COL28A1: variants seen among roughly 807,000 people sequenced by gnomAD.
The protein encoded by COL28A1 is collagen alpha-1(XXVIII) chain.
COL28A1 carries 161 observed loss-of-function variants against 150.2 expected under a neutral mutation model. The ratio of observed to expected loss-of-function variants is 1.07; its 90% CI spans 0.94 to 1.22. The LOEUF (loss-of-function observed/expected upper bound fraction) is 1.22, where lower values mean the gene tolerates loss of function less well. COL28A1 is among the 50% of genes most tolerant of loss of function. COL28A1 has a pLI of 0.00. For synonymous variants in COL28A1, 552 were observed against 469.7 expected (o/e 1.18, Z -2.26); for missense variants, 1,617 against 1,388.3 (o/e 1.16, Z -2.62).
chr7:7,502,469 T>C, intron 11 of COL28A1, among the ~76,000 whole-genome samples: 1 of 152,112 alleles, frequency 6.6e-6, no homozygotes, highest in East Asian at 1.9e-4. Flanking sequence ...AACCCTTTAA[T>C]GAAGAAAAGC....
At chr7:7,536,585 A>G (rs1266562340), upstream of COL28A1, among the ~76,000 whole-genome samples, 10 of 152,064 alleles carry the variant, frequency 6.6e-5, no homozygotes, top group Non-Finnish European at 7.4e-5. Flanking sequence ...TATTAAGTCA[A>G]TGTTTATCAT....
At chr7:7,529,746 G>C (rs953319324) in intron 3 of COL28A1, among the ~76,000 whole-genome samples, 1 of 152,214 alleles carries the variant, frequency 6.6e-6, no homozygotes, top group African/African-American at 2.4e-5. Context: ...AGATGAATAA[G>C]TAACAACAGC....
intron 15 of COL28A1, among the ~76,000 whole-genome samples, chr7:7,457,287 T>C (rs1787245678): frequency 6.6e-6 from 1 of 152,028 alleles, no homozygotes. Flanking sequence ...GCATGAGAGA[T>C]GATGGGGCAC....
chr7:7,503,289 G>T (rs919305762), intron 11 of COL28A1, among the ~76,000 whole-genome samples: 1 of 152,102 alleles, frequency 6.6e-6, no homozygotes, highest in African/African-American at 2.4e-5. Flanking sequence ...AGACTAATCT[G>T]TACAATGGAA....
chr7:7,450,035 A>T (rs1786562434), intron 18 of COL28A1, among the ~76,000 whole-genome samples: 1 of 152,102 alleles, frequency 6.6e-6, no homozygotes. Context: ...TTATAAACCT[A>T]TTATAATCAA....
At chr7:7,440,679 C>T in intron 21 of COL28A1, 111 bp downstream of exon 21, 2 of 559,822 alleles carry the variant, frequency 3.6e-6, no homozygotes, top group African/African-American at 1.9e-5. Context: ...TTGTTTTGTA[C>T]TTGTTGGGAA....
the COL28A1 span, among the ~76,000 whole-genome samples, chr7:7,347,406 A>G: frequency 6.6e-6 from 1 of 152,086 alleles, no homozygotes; most frequent in Non-Finnish European, 1.5e-5. Context: ...TTTTATTGCT[A>G]TATTTCTAAA....
chr7:7,482,215 T>A (rs969632243), intron 13 of COL28A1, among the ~76,000 whole-genome samples: 1 of 152,108 alleles, frequency 6.6e-6, no homozygotes, highest in African/African-American at 2.4e-5. Flanking sequence ...TTACCTTACT[T>A]CTAAATAATT....
intron 11 of COL28A1, among the ~76,000 whole-genome samples, chr7:7,505,601 G>C (rs1403099261): frequency 6.6e-6 from 1 of 152,124 alleles, no homozygotes. Flanking sequence ...CTTGATTTCT[G>C]TTGGTATAAC....
intron 18 of COL28A1, among the ~76,000 whole-genome samples, chr7:7,447,117 ATTAACC>A (rs1192258019): frequency 6.6e-6 from 1 of 152,218 alleles, no homozygotes; most frequent in African/African-American, 2.4e-5. Flanking sequence ...GTGGGAAAAA[ATTAACC>A]CTAGACTAAA....
intron 3 of COL28A1, 67 bp downstream of exon 3, chr7:7,531,281 A>T (rs1396347973): frequency 1.5e-6 from 1 of 673,290 alleles, no homozygotes; most frequent in African/African-American, 1.8e-5. Flanking sequence ...ATCTCTTCTT[A>T]TGGGATTTAC....
rs1781325625 is a variant in COL28A1 at position 7,373,137 on chromosome 7, A to G, written c.2769T>C (p.Ser923=). The stretch of plus-strand genomic sequence containing the variant: ...TCACAAATATCTCCACATTGGTGTC[A>G]CTGGCATTCTTCACCACCTCTGTCA... The part of the protein sequence containing the change: ...EKLTEVVKNA[S]DTNVEIFVIG... Residue 923 remains serine, a synonymous_variant, in exon 32 of 35, where the codon AGT becomes AGC. Transcript: ENST00000399429. This position sits in a 1 kb window ranked among gnomAD's most constrained non-coding sequence, Gnocchi z 4.1. 1.2e-6 allele frequency: 2 copies of G among 1,614,100 alleles called. No homozygotes were observed. Among genetic ancestry groups the G allele is most frequent in the Non-Finnish European group, 1.7e-6 (2 of 1,180,038 alleles).
At chr7:7,441,735 ATGCTGATGC>A (rs1444870884) in intron 20 of COL28A1, among the ~76,000 whole-genome samples, 2 of 152,122 alleles carry the variant, frequency 1.3e-5, no homozygotes, top group South Asian at 4.1e-4. Flanking sequence ...TTCCCAGGTG[ATGCTGATGC>A]TGCTGGTTCA....
At chr7:7,466,695 G>A (rs1394208688) in intron 15 of COL28A1, among the ~76,000 whole-genome samples, 1 of 13,478 alleles carries the variant, frequency 7.4e-5, no homozygotes, top group Non-Finnish European at 1.2e-4. Context: ...AATGTTAAGG[G>A]CAGCCAGAGA....
In COL28A1 at chr7:7,453,426, AT is replaced by A; in HGVS notation, c.1440+13del. On this transcript the variant is annotated intron_variant, in intron 17 of 34. Coordinates refer to ENST00000399429, the MANE Select transcript of COL28A1 (RefSeq NM_001037763.3). Reference sequence around the variant, plus strand: ...TATAGATATATTAAACTCCGCTCTCATTTACAAAGTTACCTTGGAACCAGGT... The same window carrying A: ...TATAGATATATTAAACTCCGCTCTCATTACAAAGTTACCTTGGAACCAGGT... The A allele has an allele frequency of 9.2e-7, 1 of 1,081,776 alleles. No homozygotes were observed. The highest frequency in any genetic ancestry group is 1.2e-5 in the South Asian group (1 of 80,602). 67.0% of individuals were successfully genotyped at this position (1,081,776 alleles called of 1,614,324 possible).
rs537305251 is a variant in COL28A1 at position 7,508,788 on chromosome 7, C to T, written c.928-1627G>A. On this transcript the variant is annotated intron_variant, in intron 9 of 34. Transcript: ENST00000399429. ...TCAAGCAATCCTCCCACCTCAGCCT[C>T]CCTAGTTGCCCACACTGGTGATATA... 1.3e-5 allele frequency among the ~76,000 whole-genome samples: 2 copies of T among 152,116 alleles called. 1 individual carries two copies. Among genetic ancestry groups the T allele is most frequent in the South Asian group, 4.2e-4 (2 of 4,812 alleles).
chr7:7,453,606 A>G (rs1430739069), intron 16 of COL28A1, 98 bp from the exon 17 acceptor site: 3 of 707,566 alleles, frequency 4.2e-6, no homozygotes, highest in Admixed American at 2.7e-5. Context: ...TAAGTTACTT[A>G]CACTCAATAA....
intron 31 of COL28A1, among the ~76,000 whole-genome samples, chr7:7,375,122 T>C (rs17167051): frequency 0.013 from 1,966 of 152,306 alleles, 44 homozygotes; most frequent in African/African-American, 0.045. Flanking sequence ...TTGGCTCTTG[T>C]AGTCATATTT....
At chr7:7,484,453 A>G (rs1394390102) in intron 13 of COL28A1, among the ~76,000 whole-genome samples, 3 of 152,204 alleles carry the variant, frequency 2.0e-5, no homozygotes. Flanking sequence ...ATCAGCCAAG[A>G]AGAAAAGAGA....
Sources: gnomAD v4.1 joint callset for allele counts (sites outside exome capture counted in the v4.1 genomes callset) on GRCh38, gnomAD v4.1.1 for gene constraint, Gnocchi (gnomAD v3.1) non-coding constraint, MANE v1.5 for transcripts, NCBI Gene and HGNC (gene_info 2026-07-23, HGNC 2026-07-21) for gene names.